NXNL2: variants seen among roughly 807,000 people sequenced by gnomAD.
NXNL2 encodes nucleoredoxin-like protein 2.
Under a neutral mutation model 11.1 loss-of-function variants are expected in NXNL2, and 7 were observed. The ratio of observed to expected loss-of-function variants is 0.63; its 90% confidence interval spans 0.36 to 1.18. The LOEUF (loss-of-function observed/expected upper bound fraction) is 1.18. Among genes scored for constraint, NXNL2 ranks in the 50% most tolerant of loss-of-function variants. The probability of loss-of-function intolerance (pLI) is 0.02; values close to 1 mark genes in which losing one functional copy is unlikely to be tolerated. For missense variants in NXNL2, 233 were observed against 217.7 expected (o/e 1.07, Z -0.44); for synonymous variants, 109 against 101.8 (o/e 1.07, Z -0.42).
intron 1 of NXNL2, among the ~76,000 whole-genome samples, chr9:88,580,983 CGTG>C (rs1248035461): frequency 6.6e-6 from 1 of 152,174 alleles, no homozygotes. Flanking sequence ...ATAAGAGTGA[CGTG>C]GTATCCTCCT....
intron 1 of NXNL2, among the ~76,000 whole-genome samples, chr9:88,569,751 T>A (rs1417585714): frequency 6.6e-6 from 1 of 152,214 alleles, no homozygotes; most frequent in African/African-American, 2.4e-5. Context: ...TATAGTGAAT[T>A]GTGTTAATAG....
chr9:88,581,378 C>G (rs1830406091), intron 1 of NXNL2, among the ~76,000 whole-genome samples: 1 of 152,142 alleles, frequency 6.6e-6, no homozygotes, highest in South Asian at 2.1e-4. Flanking sequence ...AATGCTACCA[C>G]TTTTGGGGGG....
At chr9:88,535,895 TCA>T (rs1233898931) in intron 1 of NXNL2, among the ~76,000 whole-genome samples, 159 bp downstream of exon 1, 4 of 150,424 alleles carry the variant, frequency 2.7e-5, no homozygotes, top group African/African-American at 7.3e-5. Context: ...ACACTCAGTC[TCA>T]GTTTCAACCT....
chr9:88,579,833 T>A (rs540064428), downstream of NXNL2, among the ~76,000 whole-genome samples: 22 of 152,164 alleles, frequency 1.4e-4, 1 homozygote, highest in East Asian at 4.1e-3. Flanking sequence ...GGTAGCCAAA[T>A]GAATTAAAAA....
chr9:88,581,259 G>A (rs948905029), intron 1 of NXNL2, among the ~76,000 whole-genome samples: 2 of 152,178 alleles, frequency 1.3e-5, no homozygotes, highest in African/African-American at 4.8e-5. Context: ...AGAAATGGGC[G>A]AAGCCTATTT....
intron 1 of NXNL2, among the ~76,000 whole-genome samples, chr9:88,569,976 G>A (rs1198346895): frequency 1.3e-5 from 2 of 151,964 alleles, no homozygotes; most frequent in African/African-American, 2.4e-5. Context: ...CCTCTGCAGG[G>A]CGCCTCATGT....
At chr9:88,542,608 G>T (rs1374669377) in intron 1 of NXNL2, among the ~76,000 whole-genome samples, 1 of 152,058 alleles carries the variant, frequency 6.6e-6, no homozygotes, top group Admixed American at 6.6e-5. Context: ...GTTTCTTATT[G>T]GTTTCCAATT....
Position 88,535,562 on chromosome 9 carries a change from A to C in NXNL2, c.128A>C (p.Asp43Ala), listed in dbSNP as rs958751784. The change falls in exon 1 of 2, where the codon GAC (aspartate) becomes GCC (alanine). Residue 43 changes from aspartate to alanine, a missense_variant. Physicochemically the swap from Asp to Ala is moderately radical, Grantham distance 126 (BLOSUM62 -2). Coordinates refer to ENST00000375854, the MANE Select transcript of NXNL2 (RefSeq NM_001161625.2). ...GCGGCCCGGTGCGCGCCGAGCCGCG[A>C]CTTCACGCCGCTGCTCTGCGACTTC... ...FAAARCAPSR[D>A]FTPLLCDFYT... The C allele has an allele frequency of 6.2e-7, 1 of 1,609,206 alleles. No homozygotes were observed. The highest frequency in any genetic ancestry group is 8.5e-7 in the Non-Finnish European group (1 of 1,179,198).
intron 1 of NXNL2, among the ~76,000 whole-genome samples, chr9:88,562,621 C>T (rs953842063): frequency 6.6e-6 from 1 of 151,514 alleles, no homozygotes; most frequent in Non-Finnish European, 1.5e-5. Flanking sequence ...GGCATGGTGG[C>T]GTGGCCCGTA....
intron 1 of NXNL2, among the ~76,000 whole-genome samples, chr9:88,562,742 ACT>A (rs1329976432): frequency 2.0e-5 from 3 of 146,932 alleles, no homozygotes; most frequent in Admixed American, 6.9e-5. Context: ...ACAGGGCAAG[ACT>A]CTGTCTCAAA....
At chr9:88,554,527 A>G (rs548676161) in intron 1 of NXNL2, among the ~76,000 whole-genome samples, 3 of 152,312 alleles carry the variant, frequency 2.0e-5, no homozygotes, top group Admixed American at 6.5e-5. Context: ...GAAGACCTCA[A>G]TGACCACTTC....
chr9:88,561,192 G>C (rs1360036643), intron 1 of NXNL2, among the ~76,000 whole-genome samples: 1 of 152,068 alleles, frequency 6.6e-6, no homozygotes, highest in African/African-American at 2.4e-5. Context: ...ATATAAAGCA[G>C]GCAGAAAAAC....
chr9:88,543,418 T>C (rs1423499249), intron 1 of NXNL2, among the ~76,000 whole-genome samples: 1 of 151,986 alleles, frequency 6.6e-6, no homozygotes, highest in Non-Finnish European at 1.5e-5. Flanking sequence ...AGGTGCATGC[T>C]ACCACGCCTA....
intron 2 of NXNL2, among the ~76,000 whole-genome samples, chr9:88,573,285 A>G (rs1404231531): frequency 6.6e-6 from 1 of 152,096 alleles, no homozygotes; most frequent in Admixed American, 6.6e-5. Flanking sequence ...CTGGGACTAC[A>G]GGTATGCACC....
At chr9:88,562,004 A>C (rs1338273773) in intron 1 of NXNL2, among the ~76,000 whole-genome samples, 1 of 152,210 alleles carries the variant, frequency 6.6e-6, no homozygotes, top group African/African-American at 2.4e-5. Flanking sequence ...TGTGCATAGC[A>C]GCACTAGTTG....
intron 1 of NXNL2, among the ~76,000 whole-genome samples, chr9:88,564,284 A>ATCTAT (rs1830134321): frequency 1.1e-5 from 1 of 92,792 alleles, no homozygotes; most frequent in African/African-American, 5.2e-5. Flanking sequence ...CTATCTATCT[A>ATCTAT]TTATCTATCT....
intron 1 of NXNL2, among the ~76,000 whole-genome samples, chr9:88,561,713 G>A (rs1056184459): frequency 2.6e-5 from 4 of 152,194 alleles, no homozygotes; most frequent in Non-Finnish European, 2.9e-5. Flanking sequence ...CCAATGTGCC[G>A]AGAACCTCTG....
At chr9:88,537,117 A>C (rs1395890557) in intron 1 of NXNL2, among the ~76,000 whole-genome samples, 2 of 152,242 alleles carry the variant, frequency 1.3e-5, no homozygotes, top group Non-Finnish European at 2.9e-5. Context: ...ATTGCTGAGC[A>C]TATGATACAT....
intron 1 of NXNL2, among the ~76,000 whole-genome samples, chr9:88,568,384 C>G (rs950252364): frequency 5.9e-5 from 9 of 152,150 alleles, no homozygotes; most frequent in African/African-American, 2.2e-4. Flanking sequence ...GTAGAGAGAG[C>G]CCGGGGGTGT....
Sources: allele counts gnomAD v4.1 joint callset (sites outside exome capture counted in the v4.1 genomes callset), GRCh38; gene constraint gnomAD v4.1.1; transcripts MANE v1.5; gene names NCBI Gene and HGNC (gene_info 2026-07-23, HGNC 2026-07-21).